Variants in MCTP2 observed in about 807,000 individuals in gnomAD.
MCTP2 encodes the protein multiple C2 and transmembrane domain containing 2, also known as multiple C2 and transmembrane domain-containing protein 2.
In MCTP2, 132 loss-of-function variants were observed where a neutral mutation model predicts 111.6. The observed-to-expected ratio is 1.18, with a 90% CI of 1.03 to 1.37. MCTP2 has a LOEUF of 1.37. Ranked by LOEUF, MCTP2 falls within the 40% of genes most tolerant of loss-of-function variation. The probability of loss-of-function intolerance (pLI) is 0.00; values close to 1 mark genes in which losing one functional copy is unlikely to be tolerated. For missense variants in MCTP2, 1,183 were observed against 1,067.9 expected, an observed-to-expected ratio of 1.11 and a Z score of -1.50; for synonymous variants, 395 against 387.7, an observed-to-expected ratio of 1.02 and a Z score of -0.22.
At chr15:94,456,542 C>T (rs892870222) in intron 19 of MCTP2, among the ~76,000 whole-genome samples, 12 of 152,112 alleles carry the variant, frequency 7.9e-5, no homozygotes, top group Non-Finnish European at 1.6e-4. Flanking sequence ...CACCATTGTG[C>T]CCATTAATAG....
chr15:94,257,200 A>C (rs1325246767), intron 1 of MCTP2, among the ~76,000 whole-genome samples: 6 of 152,004 alleles, frequency 3.9e-5, no homozygotes. Flanking sequence ...CATTCTTGTC[A>C]CTTAAGTCTC....
At chr15:94,299,398 A>G (rs529237304) in intron 2 of MCTP2, among the ~76,000 whole-genome samples, 118 of 152,206 alleles carry the variant, frequency 7.8e-4, no homozygotes, top group Middle Eastern at 3.4e-3. Flanking sequence ...TACTCCTAAG[A>G]AGCATATGAA....
chr15:94,243,699 G>A (rs946144363), intron 1 of MCTP2, among the ~76,000 whole-genome samples: 5 of 133,914 alleles, frequency 3.7e-5, no homozygotes, highest in Admixed American at 7.5e-5. Flanking sequence ...ATACATATGC[G>A]TATATACACA....
chr15:94,314,945 G>C (rs999566145), intron 3 of MCTP2: 1 of 354,490 alleles, frequency 2.8e-6, no homozygotes, highest in Non-Finnish European at 5.5e-6. Context: ...AGCCGGGAGA[G>C]CACTGGACAG....
At chr15:94,361,084 GTTTTTTTTT>G (rs67774490) in intron 10 of MCTP2, among the ~76,000 whole-genome samples, 43 of 8,418 alleles carry the variant, frequency 5.1e-3, no homozygotes, top group African/African-American at 0.011. Flanking sequence ...AATATTTCAA[GTTTTTTTTT>G]TTTTTTTTTT....
intron 14 of MCTP2, among the ~76,000 whole-genome samples, chr15:94,398,262 T>A (rs1394988215): frequency 6.6e-6 from 1 of 152,218 alleles, no homozygotes; most frequent in African/African-American, 2.4e-5. Flanking sequence ...GTTTCCTGGC[T>A]TGTAAAGCAC....
intron 4 of MCTP2, among the ~76,000 whole-genome samples, chr15:94,331,037 G>A (rs373913509): frequency 6.6e-6 from 1 of 152,104 alleles, no homozygotes; most frequent in African/African-American, 2.4e-5. Context: ...CCCAGCCCAG[G>A]CATATGTTTT....
chr15:94,407,644 A>G (rs1734501658), intron 17 of MCTP2, among the ~76,000 whole-genome samples: 1 of 152,172 alleles, frequency 6.6e-6, no homozygotes, highest in African/African-American at 2.4e-5. Flanking sequence ...AATATCCCAT[A>G]TTTAACATAT....
chr15:94,245,546 A>G (rs141214097), intron 1 of MCTP2, among the ~76,000 whole-genome samples: 1,444 of 143,182 alleles, frequency 0.01, 20 homozygotes, highest in African/African-American at 0.034. Context: ...ACATGTATAT[A>G]TTTATATATG....
intron 2 of MCTP2, among the ~76,000 whole-genome samples, chr15:94,313,514 A>T (rs1163062598): frequency 1.3e-5 from 2 of 152,122 alleles, no homozygotes; most frequent in Non-Finnish European, 2.9e-5. Flanking sequence ...CAGCCTGGCC[A>T]ATATGGTGAA....
intron 1 of MCTP2, among the ~76,000 whole-genome samples, chr15:94,291,774 G>A (rs2075043321): frequency 6.6e-6 from 1 of 152,134 alleles, no homozygotes; most frequent in South Asian, 2.1e-4. Context: ...TTTTTAAAAT[G>A]AAGAAAATGC....
chr15:94,248,113 A>G lies in MCTP2; in HGVS notation c.-66+16449A>G, dbSNP rs78034754. On this transcript the variant is annotated intron_variant, in intron 1 of 22. Coordinates refer to ENST00000357742, the MANE Select transcript of MCTP2 (RefSeq NM_001385001.1). ...AGGTACTGCTTCACACTAGAAGGTC[A>G]GGATTAGAGTTAGGCTTGGGGTAGA... 8.3e-4 allele frequency among the ~76,000 whole-genome samples: 127 copies of G among 152,330 alleles called. 5 individuals are homozygous for G. In the East Asian group the frequency reaches 0.02, roughly 24 times the overall value.
At chr15:94,291,063 T>C (rs2075007836) in intron 1 of MCTP2, among the ~76,000 whole-genome samples, 1 of 152,152 alleles carries the variant, frequency 6.6e-6, no homozygotes, top group Non-Finnish European at 1.5e-5. Context: ...CACTCAACCA[T>C]AGTAGCATAT....
intron 4 of MCTP2, among the ~76,000 whole-genome samples, chr15:94,318,855 C>A (rs190423955): frequency 6.6e-6 from 1 of 152,178 alleles, no homozygotes; most frequent in Admixed American, 6.5e-5. Context: ...TCTGCTCTAA[C>A]CCCAGCCATT....
At chr15:94,438,523 G>T (rs958134447) in intron 17 of MCTP2, among the ~76,000 whole-genome samples, 1 of 152,078 alleles carries the variant, frequency 6.6e-6, no homozygotes, top group Non-Finnish European at 1.5e-5. Context: ...AGAAATACAA[G>T]ATTGCTTCAA....
chr15:94,292,903 G>A (rs2075096193), intron 1 of MCTP2: 1 of 152,186 alleles, frequency 6.6e-6, no homozygotes, highest in African/African-American at 2.4e-5. Context: ...GGAATAATGA[G>A]TCAAGGTTAT....
At chr15:94,431,673 A>AT (rs554757669) in intron 17 of MCTP2, among the ~76,000 whole-genome samples, 58 of 152,054 alleles carry the variant, frequency 3.8e-4, no homozygotes, top group Non-Finnish European at 4.0e-4. Flanking sequence ...TCAAATTATA[A>AT]TTTTTTTTAA....
intron 14 of MCTP2, among the ~76,000 whole-genome samples, chr15:94,394,049 CAAAAAAA>C (rs767685107): frequency 6.6e-4 from 41 of 61,752 alleles, no homozygotes; most frequent in African/African-American, 2.4e-3. Flanking sequence ...AACTCCATCT[CAAAAAAA>C]AAAAAAAAAA....
At chr15:94,289,140 G>A (rs529981402) in intron 1 of MCTP2, among the ~76,000 whole-genome samples, 1 of 152,252 alleles carries the variant, frequency 6.6e-6, no homozygotes, top group South Asian at 2.1e-4. Context: ...GATTCAAGAA[G>A]CTAAGCTAAC....
Sources: allele counts gnomAD v4.1 joint callset (sites outside exome capture counted in the v4.1 genomes callset), GRCh38; gene constraint gnomAD v4.1.1; transcripts MANE v1.5; gene names NCBI Gene and HGNC (gene_info 2026-07-23, HGNC 2026-07-21).